The following DENND4C variants were observed in gnomAD, a reference collection of about 807,000 sequenced individuals.
The protein encoded by DENND4C is DENN domain-containing protein 4C.
Under a neutral mutation model 203.0 loss-of-function variants are expected in DENND4C, and 108 were observed. That is an observed-to-expected ratio of 0.53 (90% CI 0.46 to 0.62). The LOEUF is 0.62. Among genes scored for constraint, DENND4C ranks in the 20% least tolerant of loss-of-function variants. The pLI is 0.00. For synonymous variants in DENND4C, 871 were observed against 792.4 expected (o/e 1.10, Z -1.67); for missense variants, 2,481 against 2,301.2 (o/e 1.08, Z -1.60).
chr9:19,301,374 T>G (rs1056744446), intron 9 of DENND4C, among the ~76,000 whole-genome samples: 1 of 152,212 alleles, frequency 6.6e-6, no homozygotes, highest in Non-Finnish European at 1.5e-5. Flanking sequence ...ATCTCTTGTT[T>G]ACTCCTGTAT....
At chr9:19,320,881 T>A (rs1842769593) in intron 12 of DENND4C, among the ~76,000 whole-genome samples, 1 of 152,212 alleles carries the variant, frequency 6.6e-6, no homozygotes, top group East Asian at 1.9e-4. Flanking sequence ...CATTATAACT[T>A]GTGGAGAATA....
intron 1 of DENND4C, among the ~76,000 whole-genome samples, chr9:19,252,172 G>C (rs921275202): frequency 6.6e-6 from 1 of 152,160 alleles, no homozygotes; most frequent in African/African-American, 2.4e-5. Context: ...AGGCAAGGAG[G>C]AGCAAGTCAC....
chr9:19,293,581 G>A (rs547113756), intron 5 of DENND4C, among the ~76,000 whole-genome samples: 82 of 152,324 alleles, frequency 5.4e-4, no homozygotes, highest in African/African-American at 1.9e-3. Context: ...AGGATTGATT[G>A]CTGGGAGAAG....
intron 23 of DENND4C, among the ~76,000 whole-genome samples, chr9:19,349,348 C>T (rs139072305): frequency 1.3e-5 from 2 of 152,106 alleles, no homozygotes; most frequent in East Asian, 1.9e-4. Context: ...GCAGAGGTCG[C>T]AGTGAGCCGA....
chr9:19,285,832 A>C (rs1029481756), intron 2 of DENND4C, among the ~76,000 whole-genome samples: 1 of 152,066 alleles, frequency 6.6e-6, no homozygotes, highest in East Asian at 1.9e-4. Flanking sequence ...TCCTGATTGC[A>C]TTGTCTTGGC....
At chr9:19,325,322 G>C in intron 13 of DENND4C, among the ~76,000 whole-genome samples, 1 of 152,016 alleles carries the variant, frequency 6.6e-6, no homozygotes, top group East Asian at 1.9e-4. Flanking sequence ...ATTGATTCTT[G>C]ACTTAGTTAT....
At chr9:19,347,296 A>T (rs933554377) in intron 23 of DENND4C, among the ~76,000 whole-genome samples, 1 of 151,888 alleles carries the variant, frequency 6.6e-6, no homozygotes, top group African/African-American at 2.4e-5. Context: ...ATGCCCAGCT[A>T]ATTTTTGTAT....
intron 30 of DENND4C, among the ~76,000 whole-genome samples, chr9:19,364,874 G>A (rs959318049): frequency 1.3e-5 from 2 of 151,306 alleles, no homozygotes; most frequent in East Asian, 3.9e-4. Context: ...CAGCCTGGGC[G>A]ACAGAGTGAG....
chr9:19,356,993 C>T lies in DENND4C; in HGVS notation c.4803C>T (p.Thr1601=), dbSNP rs754930455. The change falls in exon 27 of 33, where the codon ACC becomes ACT. Residue 1601 remains threonine, a synonymous_variant. Transcript: ENST00000434457. Reference sequence around the variant, plus strand: ...GTAGCTTTTTCCTGAAACCAAGTACCTCTGGTGACAGTTTACAAAGTGGAA... The same window carrying T: ...GTAGCTTTTTCCTGAAACCAAGTACTTCTGGTGACAGTTTACAAAGTGGAA... ...GSASFFLKPS[T]SGDSLQSGSI... is the part of the protein sequence containing the mutation. The T allele has an allele frequency of 4.3e-6, 7 of 1,613,762 alleles. No homozygotes were observed. Among genetic ancestry groups the T allele is most frequent in the Non-Finnish European group, 5.9e-6 (7 of 1,179,816 alleles).
At chr9:19,258,559 T>G (rs575826964) in intron 1 of DENND4C, among the ~76,000 whole-genome samples, 131 of 152,242 alleles carry the variant, frequency 8.6e-4, no homozygotes, top group African/African-American at 3.1e-3. Context: ...TCAATGTAAT[T>G]TACCATATTA....
intron 16 of DENND4C, among the ~76,000 whole-genome samples, chr9:19,328,599 G>A (rs1361273669): frequency 2.6e-5 from 4 of 151,900 alleles, no homozygotes; most frequent in Admixed American, 2.6e-4. Context: ...GGTGACAAGA[G>A]TGAAACTCCA....
Position 19,242,017 on chromosome 9 carries a change from C to T in DENND4C, c.-18+11184C>T, listed in dbSNP as rs1032268235. 3.9e-5 allele frequency among the ~76,000 whole-genome samples: 6 copies of T among 152,164 alleles called. No individual in the cohort carries two copies. The South Asian group carries it at 1.0e-3, about 26-fold the overall frequency. On this transcript the variant is annotated intron_variant, in intron 1 of 32. Transcript: ENST00000434457. ...ACCAGCCTGGGCAACATGTATCCAC[C>T]GTTAAATTATTGTGAGAAATAGTTT...
chr9:19,317,689 T>A (rs1253520992), intron 12 of DENND4C, among the ~76,000 whole-genome samples: 2 of 152,160 alleles, frequency 1.3e-5, no homozygotes, highest in Non-Finnish European at 2.9e-5. Flanking sequence ...TGTAGGAATA[T>A]AAAGAAGTAT....
At chr9:19,364,985 A>G (rs921317156) in intron 30 of DENND4C, among the ~76,000 whole-genome samples, 2 of 152,210 alleles carry the variant, frequency 1.3e-5, no homozygotes, top group Admixed American at 1.3e-4. Flanking sequence ...TCCCTAAAGG[A>G]AATTATTTTA....
intron 26 of DENND4C, among the ~76,000 whole-genome samples, chr9:19,355,274 A>G (rs528325317): frequency 4.3e-4 from 66 of 152,242 alleles, no homozygotes; most frequent in African/African-American, 1.5e-3. Flanking sequence ...TATTATTGAT[A>G]TTAATTACTT....
chr9:19,328,060 G>A lies in DENND4C; in HGVS notation c.2151G>A (p.Lys717=), dbSNP rs367889465. The A allele has an allele frequency of 1.9e-5, 31 of 1,611,294 alleles. No individual in the cohort carries two copies. The highest frequency in any genetic ancestry group is 3.4e-5 in the Admixed American group (2 of 59,612). The change falls in exon 16 of 33, where the codon AAG becomes AAA. Residue 717 remains lysine (K), a synonymous_variant. Transcript: ENST00000434457. ...AATACTTTCCAAGACTGGACCTTAA[G>A]CTTTTTGACAGACCGCAGGAGTTGA... ...SYKYFPRLDL[K]LFDRPQELKL...
In DENND4C at chr9:19,290,892, A is replaced by G. The variant is rs143701998; in HGVS notation, c.801+16A>G. 4.8e-4 allele frequency: 768 copies of G among 1,604,958 alleles called. 2 individuals are homozygous for G. The African/African-American group carries it at 9.5e-3, about 20-fold the overall frequency. On this transcript the variant is annotated intron_variant, in intron 5 of 32. Coordinates refer to ENST00000434457, the MANE Select transcript of DENND4C (RefSeq NM_001330640.2). ...AGCCAAAAAGGTATGTTTTTGTCTC[A>G]TTGATTAAACACATTTTGTCCATGT...
At chr9:19,343,006 T>C (rs1238825157) in intron 22 of DENND4C, among the ~76,000 whole-genome samples, 1 of 152,124 alleles carries the variant, frequency 6.6e-6, no homozygotes, top group Admixed American at 6.6e-5. Flanking sequence ...GAATACCCTT[T>C]CCTGTTGTGG....
rs946238151 is a variant in DENND4C, at chr9:19,300,393, A to G, written c.1311+62A>G. On this transcript the variant is annotated intron_variant, in intron 9 of 32. Coordinates refer to ENST00000434457, the MANE Select transcript of DENND4C (RefSeq NM_001330640.2). ...GACATAATTTTTACTCCAAAGGGAA[A>G]TTTTCTTCAAAAACAGCAACTTTGT... 1.3e-5 allele frequency: 18 copies of G among 1,369,928 alleles called. No individual in the cohort carries two copies. In the East Asian group the frequency reaches 4.7e-4, roughly 35 times the overall value. The allele number at this position is 1,369,928 out of a possible 1,614,324, so 84.9% of individuals were successfully genotyped here.
Sources: gnomAD v4.1 joint callset for allele counts (sites outside exome capture counted in the v4.1 genomes callset) on GRCh38, gnomAD v4.1.1 for gene constraint, MANE v1.5 for transcripts, NCBI Gene and HGNC (gene_info 2026-07-23, HGNC 2026-07-21) for gene names.